The following YIPF3 variants were observed in gnomAD, a reference collection of about 807,000 sequenced individuals.
YIPF3 encodes protein YIPF3.
Under a neutral mutation model 40.3 loss-of-function variants are expected in YIPF3, and 18 were observed. That is an observed-to-expected ratio of 0.45 (90% confidence interval 0.31 to 0.66). The LOEUF is 0.66. YIPF3 is among the 30% of genes least tolerant of loss of function. The probability of loss-of-function intolerance (pLI) is 0.07; values close to 1 mark genes in which losing one functional copy is unlikely to be tolerated. For synonymous variants in YIPF3, 190 were observed against 179.6 expected, an observed-to-expected ratio of 1.06 and a Z score of -0.46; for missense variants, 406 against 452.2, an observed-to-expected ratio of 0.90 and a Z score of 0.93.
chr6:43,515,945 C>G lies in YIPF3; in HGVS notation c.232G>C (p.Glu78Gln), dbSNP rs1393940049. The change falls in exon 2 of 9, where the codon GAG becomes CAG. Residue 78 changes from glutamate to glutamine, a missense_variant. Coordinates refer to ENST00000372422, the MANE Select transcript of YIPF3 (RefSeq NM_015388.4). Reference sequence around the variant, plus strand: ...TTAAAGCCCTTCATGCCCAGGAACTCTCCATCCTCCTCTTCAGCAGCAGCT... The same window carrying G: ...TTAAAGCCCTTCATGCCCAGGAACTGTCCATCCTCCTCTTCAGCAGCAGCT... The part of the protein sequence containing the change: ...DAAAAEEEDG[E>Q]FLGMKGFKGQ... 1.2e-6 allele frequency: 2 copies of G among 1,613,634 alleles called. No homozygotes were observed. Among genetic ancestry groups the G allele is most frequent in the South Asian group, 1.1e-5 (1 of 91,044 alleles).
chr6:43,513,192 G>A lies in YIPF3; in HGVS notation c.543C>T (p.Gly181=), dbSNP rs1792707638. Residue 181 remains glycine (G), a synonymous_variant, in exon 6 of 9, where the codon GGC becomes GGT. Coordinates refer to ENST00000372422, the MANE Select transcript of YIPF3 (RefSeq NM_015388.4). ...TGCCAATGGCTGTGCCCATCAGGGTGCCCTCCCGCTGTGGGGTGAAGGCTC... is the reference window on the plus strand; with the variant it reads ...TGCCAATGGCTGTGCCCATCAGGGTACCCTCCCGCTGTGGGGTGAAGGCTC... The part of the protein sequence containing the change: ...MKTSDTIIRE[G]TLMGTAIGTC... The A allele has an allele frequency of 3.7e-6, 6 of 1,614,016 alleles. No individual in the cohort carries two copies. The highest frequency in any genetic ancestry group is 5.1e-6 in the Non-Finnish European group (6 of 1,180,028).
chr6:43,514,066 C>A (rs1792724991), intron 3 of YIPF3, among the ~76,000 whole-genome samples: 1 of 152,188 alleles, frequency 6.6e-6, no homozygotes, highest in Non-Finnish European at 1.5e-5. Flanking sequence ...ATGGTGAAAC[C>A]CTGTCTCTAC....
rs1792854922 is a variant in YIPF3 at position 43,516,876 on chromosome 6, T to C, written c.-69A>G. 6.6e-7 allele frequency: 1 copy of C among 1,510,466 alleles called. No individual in the cohort carries two copies. The highest frequency in any genetic ancestry group is 2.0e-5 in the Admixed American group (1 of 50,326). The allele number at this position is 1,510,466 out of a possible 1,614,324, so 93.6% of individuals were successfully genotyped here. ...GCGCGGAGTGGGCAAGATGTGGGCC[T>C]CCGGAAGGTAGACGTCCAGGGTCGA... On this transcript the variant is annotated 5_prime_UTR_variant, in exon 1 of 9. Transcript: ENST00000372422.
chr6:43,512,607 G>A, intron 7 of YIPF3, 44 bp from the exon 8 acceptor site: 1 of 1,577,536 alleles, frequency 6.3e-7, no homozygotes, highest in South Asian at 1.2e-5. Flanking sequence ...GCTCCAAAGT[G>A]AGGAGTGGGG....
rs1356057782 is a variant in YIPF3 at position 43,512,027 on chromosome 6, CAAG to C, written c.*137_*139del. ...GCCTTTCAGAAGTGCCGACAGGCATCAAGGAGGTACTTACGCAGCTACAGCTCA... is the reference window on the plus strand; with the variant it reads ...GCCTTTCAGAAGTGCCGACAGGCATCGAGGTACTTACGCAGCTACAGCTCA... On this transcript the variant is annotated 3_prime_UTR_variant, in exon 9 of 9. Transcript: ENST00000372422. The C allele has an allele frequency of 2.2e-6, 3 of 1,357,184 alleles. No individual in the cohort carries two copies. The African/African-American group carries it at 4.4e-5, about 20-fold the overall frequency. 84.1% of individuals were successfully genotyped at this position (1,357,184 alleles called of 1,614,324 possible).
At chr6:43,516,252 A>C in intron 1 of YIPF3, 157 bp from the exon 2 acceptor site, 8 of 1,432,582 alleles carry the variant, frequency 5.6e-6, no homozygotes, top group Non-Finnish European at 6.4e-6. Context: ...ATATGCTCTC[A>C]GAACGCCTGG....
At chr6:43,513,991 C>T (rs969320671) in intron 3 of YIPF3, among the ~76,000 whole-genome samples, 4 of 152,214 alleles carry the variant, frequency 2.6e-5, no homozygotes, top group African/African-American at 4.8e-5. Flanking sequence ...CCTGTAATCC[C>T]AGCACTTTGG....
In YIPF3 at chr6:43,511,888, G is replaced by A. The variant is rs1792675107; in HGVS notation, c.*279C>T. The A allele has an allele frequency of 8.5e-6, 4 of 468,712 alleles. No individual in the cohort carries two copies. Among genetic ancestry groups the A allele is most frequent in the African/African-American group, 2.0e-5 (1 of 49,642 alleles). The allele number at this position is 468,712 out of a possible 1,614,324, so 29.0% of individuals were successfully genotyped here. A position where few individuals can be genotyped will look rare whatever the true frequency, so the allele number is the denominator to read the frequency against. Reference sequence around the variant, plus strand: ...AGTCTATATTTAGCAAGACAATGTGGGAGAGATAAAGAGGAAGGAAGGGGT... The same window carrying A: ...AGTCTATATTTAGCAAGACAATGTGAGAGAGATAAAGAGGAAGGAAGGGGT... On this transcript the variant is annotated 3_prime_UTR_variant, in exon 9 of 9. Transcript: ENST00000372422.
In YIPF3 at chr6:43,513,623, A is replaced by T; in HGVS notation, c.406T>A (p.Ser136Thr). Residue 136 changes from serine (S) to threonine (T), a missense_variant, in exon 4 of 9, where the codon TCC becomes ACC. Coordinates refer to ENST00000372422, the MANE Select transcript of YIPF3 (RefSeq NM_015388.4). ...PAQVRSRLLE[S>T]MIPIKMVNFP... is the part of the protein sequence containing the mutation. ...TTGACCATCTTGATAGGGATCATGG[A>T]CTCCAGGAGCCTGGGAGAGGAGAGG... 1 of 1,563,938 alleles carries T rather than the reference A, an allele frequency of 6.4e-7. No individual in the cohort carries two copies. Among genetic ancestry groups the T allele is most frequent in the Non-Finnish European group, 8.7e-7 (1 of 1,155,174 alleles).
chr6:43,515,850 G>C (rs757977377), intron 2 of YIPF3, 39 bp downstream of exon 2: 1 of 1,584,766 alleles, frequency 6.3e-7, no homozygotes, highest in South Asian at 1.1e-5. Context: ...ACATACCTAG[G>C]TCTACTTTTC....
chr6:43,513,541 G>A, intron 4 of YIPF3, 47 bp downstream of exon 4: 2 of 1,602,930 alleles, frequency 1.2e-6, no homozygotes. Context: ...CCCACCCTCT[G>A]CCCTGGTGCT....
At chr6:43,512,913 T>C in intron 6 of YIPF3, 39 bp from the exon 7 acceptor site, 2 of 1,604,004 alleles carry the variant, frequency 1.2e-6, no homozygotes, top group Non-Finnish European at 1.7e-6. Flanking sequence ...TCATTCAGGT[T>C]GGGCTGCTTT....
rs999171529 is a variant in YIPF3 at position 43,515,987 on chromosome 6, C to T, written c.190G>A (p.Ala64Thr). ...HQRLREEEVDADAADAAAAEE... is the reference protein window; with the variant it reads ...HQRLREEEVDTDAADAAAAEE... Reference sequence around the variant, plus strand: ...GCAGCAGCTGCATCAGCTGCATCAGCGTCTACTTCTTCCTCGCGCAGGCGC... The same window carrying T: ...GCAGCAGCTGCATCAGCTGCATCAGTGTCTACTTCTTCCTCGCGCAGGCGC... The change falls in exon 2 of 9, where the codon GCT (alanine) becomes ACT (threonine). Residue 64 changes from alanine (A) to threonine (T), a missense_variant. Ala to Thr is a moderately conservative substitution (Grantham distance 58, BLOSUM62 0). Coordinates refer to ENST00000372422, the MANE Select transcript of YIPF3 (RefSeq NM_015388.4). 4 of 1,614,114 alleles carry T rather than the reference C, an allele frequency of 2.5e-6. No homozygotes were observed. The highest frequency in any genetic ancestry group is 1.3e-5 in the African/African-American group (1 of 74,936).
At chr6:43,516,454 A>G (rs200575295) in intron 1 of YIPF3, 3 of 612,052 alleles carry the variant, frequency 4.9e-6, no homozygotes, top group African/African-American at 1.8e-5. Context: ...ACCCCACTCC[A>G]TGCCTTACCC....
At chr6:43,514,893 A>C (rs557650823) in intron 3 of YIPF3, among the ~76,000 whole-genome samples, 1 of 152,228 alleles carries the variant, frequency 6.6e-6, no homozygotes, top group Admixed American at 6.5e-5. Flanking sequence ...AACAAGACAG[A>C]GCCTGCTTTT....
At chr6:43,515,483 T>C in intron 3 of YIPF3, 112 bp downstream of exon 3, 1 of 977,170 alleles carries the variant, frequency 1.0e-6, no homozygotes, top group South Asian at 1.3e-5. Flanking sequence ...TGAGAGGTGA[T>C]GGGGTCATGA....
At position 43,513,346 on chromosome 6, in the gene YIPF3, C is replaced by T. The variant is rs1349160864; in HGVS notation, c.534+13G>A. On this transcript the variant is annotated intron_variant, in intron 5 of 8. Coordinates refer to ENST00000372422, the MANE Select transcript of YIPF3 (RefSeq NM_015388.4). ...AGTGCAGCCACCCCCCCAAAGTTGT[C>T]TGTCCTGCTTACGATAATAGTGTCA... is the stretch of plus-strand genomic sequence containing the variant. 1.9e-6 allele frequency: 3 copies of T among 1,614,150 alleles called. No individual in the cohort carries two copies. The East Asian group carries it at 6.7e-5, about 36-fold the overall frequency.
At position 43,512,532 on chromosome 6, in the gene YIPF3, G is replaced by T; in HGVS notation, c.812C>A (p.Pro271His). 1.2e-6 allele frequency: 2 copies of T among 1,612,554 alleles called. No homozygotes were observed. The highest frequency in any genetic ancestry group is 1.7e-6 in the Non-Finnish European group (2 of 1,179,888). The change falls in exon 8 of 9, where the codon CCC becomes CAC. Residue 271 changes from proline (P) to histidine (H), a missense_variant. Transcript: ENST00000372422. ...VAVLVSRTVGPTQRLLLCGTL... is the reference protein window; with the variant it reads ...VAVLVSRTVGHTQRLLLCGTL... ...GCCACAGAGGAGCAGCCGCTGTGTG[G>T]GGCCCACGGTCCGAGACACCAACAC...
intron 3 of YIPF3, among the ~76,000 whole-genome samples, chr6:43,514,400 C>T (rs1183795142): frequency 1.3e-5 from 2 of 152,254 alleles, no homozygotes; most frequent in South Asian, 4.1e-4. Context: ...AACGCCTCCT[C>T]TTCCTGCTTA....
Sources: gnomAD v4.1 joint callset for allele counts (sites outside exome capture counted in the v4.1 genomes callset) on GRCh38, gnomAD v4.1.1 for gene constraint, MANE v1.5 for transcripts, NCBI Gene and HGNC (gene_info 2026-07-23, HGNC 2026-07-21) for gene names.